CHD1L: variants seen among roughly 807,000 people sequenced by gnomAD.
The protein encoded by CHD1L is ATP-dependent chromatin remodeler CHD1L.
Under a neutral mutation model 115.9 loss-of-function variants are expected in CHD1L, and 118 were observed. That is an observed-to-expected ratio of 1.02 (90% CI 0.88 to 1.19). The LOEUF is 1.19. CHD1L is among the 50% of genes most tolerant of loss of function. The pLI, the probability that CHD1L is intolerant of heterozygous loss-of-function variation, is 0.00. For synonymous variants in CHD1L, 411 were observed against 387.1 expected (o/e 1.06, Z -0.72); for missense variants, 1,179 against 1,065.3 (o/e 1.11, Z -1.49).
chr1:147,259,644 G>C, intron 5 of CHD1L, 193 bp from the exon 6 acceptor site: 1 of 461,592 alleles, frequency 2.2e-6, no homozygotes, highest in Admixed American at 3.4e-5. Flanking sequence ...AAAATCCCTT[G>C]GTTTTACTAC....
chr1:147,235,087 C>CTGTGTGTGTGTGTGTGTG, the CHD1L span, among the ~76,000 whole-genome samples: 280 of 146,148 alleles, frequency 1.9e-3, no homozygotes, highest in East Asian at 3.3e-3. Context: ...ATATCCCACA[C>CTGTGTGTGTGTGTGTGTG]TGTGTGTGTG....
At chr1:147,188,228 A>G in the CHD1L span, among the ~76,000 whole-genome samples, 12 of 152,292 alleles carry the variant, frequency 7.9e-5, no homozygotes, top group East Asian at 2.1e-3. Context: ...GTCAAGATCT[A>G]TACTATTCAT....
the CHD1L span, among the ~76,000 whole-genome samples, chr1:147,222,829 A>C: frequency 0.44 from 67,203 of 152,060 alleles, 15,491 homozygotes; most frequent in East Asian, 0.7. Context: ...CTTGATAATC[A>C]GACAAGATGA....
the CHD1L span, among the ~76,000 whole-genome samples, chr1:147,202,192 G>A: frequency 1.3e-5 from 2 of 151,744 alleles, no homozygotes; most frequent in Non-Finnish European, 2.9e-5. Flanking sequence ...TAGGGACAGC[G>A]TAGGATACGG....
chr1:147,237,753 C>T (rs193099884), upstream of CHD1L, among the ~76,000 whole-genome samples: 6 of 152,304 alleles, frequency 3.9e-5, no homozygotes, highest in Admixed American at 3.3e-4. Flanking sequence ...ATTGCATAAA[C>T]GTTACACTGC....
intron 15 of CHD1L, 118 bp from the exon 16 acceptor site, chr1:147,284,233 A>T (rs1559869733): frequency 2.6e-6 from 2 of 767,844 alleles, no homozygotes; most frequent in Non-Finnish European, 4.1e-6. Flanking sequence ...CTTCATATGG[A>T]CTTAGCCCAT....
intron 15 of CHD1L, among the ~76,000 whole-genome samples, chr1:147,283,329 C>G (rs1572093915): frequency 1.1e-5 from 1 of 87,546 alleles, no homozygotes; most frequent in Admixed American, 1.2e-4. Flanking sequence ...CTTTCATACT[C>G]TCTAGGGAAA....
chr1:147,229,884 G>A, the CHD1L span, among the ~76,000 whole-genome samples: 1 of 151,850 alleles, frequency 6.6e-6, no homozygotes, highest in Admixed American at 6.6e-5. Flanking sequence ...TGCTGAAGTT[G>A]CTCATCAGTT....
intron 2 of CHD1L, among the ~76,000 whole-genome samples, 197 bp downstream of exon 2, chr1:147,252,932 C>T (rs182919067): frequency 2.0e-5 from 3 of 152,336 alleles, no homozygotes; most frequent in Admixed American, 2.0e-4. Context: ...AGTTCCCCTA[C>T]TGACTTTATT....
chr1:147,183,568 T>C, the CHD1L span, among the ~76,000 whole-genome samples: 2 of 152,136 alleles, frequency 1.3e-5, no homozygotes, highest in Non-Finnish European at 2.9e-5. Flanking sequence ...ATTCATAAAA[T>C]GTAATTGAGA....
At chr1:147,200,643 G>C in the CHD1L span, among the ~76,000 whole-genome samples, 1 of 151,846 alleles carries the variant, frequency 6.6e-6, no homozygotes, top group African/African-American at 2.4e-5. Flanking sequence ...GACATAAAAG[G>C]AGAAAAGTGA....
upstream of CHD1L, among the ~76,000 whole-genome samples, chr1:147,238,910 A>T (rs6689243): frequency 0.1 from 15,969 of 152,098 alleles, 931 homozygotes; most frequent in East Asian, 0.16. Context: ...AGCCAGACAG[A>T]CTTCATCTTG....
chr1:147,281,454 G>A (rs772785159), intron 15 of CHD1L, among the ~76,000 whole-genome samples: 21 of 152,138 alleles, frequency 1.4e-4, no homozygotes, highest in Non-Finnish European at 2.5e-4. Flanking sequence ...GCATGGATTG[G>A]GGTGGTTTTG....
At chr1:147,284,317 C>A (rs782583574) in intron 15 of CHD1L, 34 bp from the exon 16 acceptor site, 1 of 1,498,482 alleles carries the variant, frequency 6.7e-7, no homozygotes, top group South Asian at 1.3e-5. Flanking sequence ...TCCTTGGTAT[C>A]TAACATTTCT....
chr1:147,282,350 C>T (rs1681230207), intron 15 of CHD1L, among the ~76,000 whole-genome samples: 1 of 152,182 alleles, frequency 6.6e-6, no homozygotes, highest in Non-Finnish European at 1.5e-5. Flanking sequence ...GAGTCAAGGG[C>T]TCATGGCACT....
At chr1:147,208,030 C>A in the CHD1L span, among the ~76,000 whole-genome samples, 1 of 152,130 alleles carries the variant, frequency 6.6e-6, no homozygotes, top group Non-Finnish European at 1.5e-5. Flanking sequence ...GCATAGACCT[C>A]CTCACTGTGA....
At chr1:147,283,323 C>T (rs1553963155) in intron 15 of CHD1L, among the ~76,000 whole-genome samples, 1 of 141,300 alleles carries the variant, frequency 7.1e-6, no homozygotes, top group Non-Finnish European at 1.6e-5. Flanking sequence ...GTTTTGCTTT[C>T]ATACTCTCTA....
chr1:147,198,872 A>AAAAAAAAAAG, the CHD1L span, among the ~76,000 whole-genome samples: 14 of 144,668 alleles, frequency 9.7e-5, no homozygotes, highest in African/African-American at 3.4e-4. Context: ...AAAAAAAAAA[A>AAAAAAAAAAG]AAAGAAAGAA....
intron 1 of CHD1L, among the ~76,000 whole-genome samples, chr1:147,250,649 G>A (rs1192068371): frequency 6.6e-6 from 1 of 152,198 alleles, no homozygotes; most frequent in Non-Finnish European, 1.5e-5. Context: ...TGGGGCACTC[G>A]TTGTAGCTGT....
Sources: gnomAD v4.1 joint callset for allele counts (sites outside exome capture counted in the v4.1 genomes callset) on GRCh38, gnomAD v4.1.1 for gene constraint, MANE v1.5 for transcripts, NCBI Gene and HGNC (gene_info 2026-07-23, HGNC 2026-07-21) for gene names.